The following GRK5 variants were observed in gnomAD, a reference collection of about 807,000 sequenced individuals.
GRK5 encodes g protein-coupled receptor kinase GRK5.
A neutral mutation model predicts 78.4 loss-of-function variants in GRK5; 40 were observed. The observed-to-expected ratio is 0.51, with a 90% CI of 0.40 to 0.66. The LOEUF (loss-of-function observed/expected upper bound fraction) is 0.66, where lower values mean the gene tolerates loss of function less well. Among genes scored for constraint, GRK5 ranks in the 30% least tolerant of loss-of-function variants. GRK5 has a pLI of 0.00. For missense variants in GRK5, 598 were observed against 759.9 expected (o/e 0.79, Z 2.50); for synonymous variants, 289 against 296.8 (o/e 0.97, Z 0.27).
intron 8 of GRK5, among the ~76,000 whole-genome samples, chr10:119,436,117 A>G (rs1852913795): frequency 6.6e-6 from 1 of 152,252 alleles, no homozygotes; most frequent in South Asian, 2.1e-4. Context: ...GTACAATTCA[A>G]GATGAGATTT....
intron 1 of GRK5, among the ~76,000 whole-genome samples, chr10:119,286,387 T>C (rs890490060): frequency 7.2e-5 from 11 of 152,208 alleles, no homozygotes; most frequent in African/African-American, 2.7e-4. Context: ...AAAAAGAGTG[T>C]TTTTGTATGT....
chr10:119,394,631 G>A (rs1589784471), intron 3 of GRK5, among the ~76,000 whole-genome samples: 1 of 3,870 alleles, frequency 2.6e-4, no homozygotes, highest in Non-Finnish European at 9.9e-4. Flanking sequence ...GTGTGTGGGT[G>A]TGTGTGTGGG....
At position 119,412,934 on chromosome 10, in the gene GRK5, C is replaced by T. The variant is rs1020920618; in HGVS notation, c.340-10232C>T. Among the ~76,000 whole-genome samples, 23 of 152,132 alleles carry T rather than the reference C, an allele frequency of 1.5e-4. No homozygotes were observed. The highest frequency in any genetic ancestry group is 4.8e-4 in the African/African-American group (20 of 41,412). ...CTCAGGGAATCGGAGCTCGGCGAGA[C>T]GAGGGGAGCTCTTGGCCGTGTGAAG... On this transcript the variant is annotated intron_variant, in intron 4 of 15. Transcript: ENST00000392870. This position sits in a 1 kb window ranked among gnomAD's most constrained non-coding sequence, Gnocchi z 4.3.
At chr10:119,237,820 T>A (rs1005505661) in intron 1 of GRK5, among the ~76,000 whole-genome samples, 1 of 152,144 alleles carries the variant, frequency 6.6e-6, no homozygotes, top group Non-Finnish European at 1.5e-5. Flanking sequence ...GCAAGTGCGC[T>A]GGGAAATGCC....
At chr10:119,404,185 CTG>C (rs76989840) in intron 4 of GRK5, among the ~76,000 whole-genome samples, 1,712 of 152,286 alleles carry the variant, frequency 0.011, 20 homozygotes, top group South Asian at 0.017. Context: ...TTGCTATTTT[CTG>C]TGTTTTTTAT....
intron 2 of GRK5, among the ~76,000 whole-genome samples, chr10:119,335,396 C>T (rs555721004): frequency 6.6e-6 from 1 of 152,152 alleles, no homozygotes; most frequent in South Asian, 2.1e-4. Context: ...TGGAGTCTCA[C>T]TCTGTCCCCC....
At chr10:119,385,366 G>A (rs1306687503) in intron 3 of GRK5, among the ~76,000 whole-genome samples, 1 of 152,180 alleles carries the variant, frequency 6.6e-6, no homozygotes, top group Non-Finnish European at 1.5e-5. Context: ...CTGGACTCAA[G>A]TGATCTTCCT....
At chr10:119,433,690 G>A (rs768407915) in intron 8 of GRK5, among the ~76,000 whole-genome samples, 5 of 152,302 alleles carry the variant, frequency 3.3e-5, no homozygotes, top group Middle Eastern at 3.4e-3. Flanking sequence ...CCTGGCCCAC[G>A]ATGGCCGGGT....
intron 1 of GRK5, among the ~76,000 whole-genome samples, chr10:119,216,251 CTG>C (rs1379814014): frequency 1.3e-5 from 2 of 152,208 alleles, no homozygotes; most frequent in South Asian, 2.1e-4. Flanking sequence ...AACTTGTAAT[CTG>C]TGGAATATCA....
intron 13 of GRK5, among the ~76,000 whole-genome samples, chr10:119,448,630 T>C (rs1853209319): frequency 6.6e-6 from 1 of 152,254 alleles, no homozygotes; most frequent in East Asian, 1.9e-4. Flanking sequence ...GGGAATGCTT[T>C]CAAGAGCATT....
At chr10:119,226,700 A>G (rs571036137) in intron 1 of GRK5, among the ~76,000 whole-genome samples, 1 of 151,054 alleles carries the variant, frequency 6.6e-6, no homozygotes, top group South Asian at 2.1e-4. Context: ...GCCTGCTACC[A>G]TGCCCGGCTT....
At chr10:119,311,655 G>C (rs781262198) in intron 1 of GRK5, among the ~76,000 whole-genome samples, 1 of 151,914 alleles carries the variant, frequency 6.6e-6, no homozygotes, top group Non-Finnish European at 1.5e-5. Context: ...GCGTGGTGGT[G>C]CACACCTGTA....
At chr10:119,309,364 G>T (rs1850324738) in intron 1 of GRK5, among the ~76,000 whole-genome samples, 1 of 152,234 alleles carries the variant, frequency 6.6e-6, no homozygotes, top group Non-Finnish European at 1.5e-5. Flanking sequence ...GAACTCTGGG[G>T]GAGGCAGAGC....
chr10:119,431,654 G>C lies in GRK5; in HGVS notation c.738+127G>C. ...CCTGGGAAGGGGAATGCCAGTGGCA[G>C]CGCTGAGCTACAGAAAGGCCGCAAG... On this transcript the variant is annotated intron_variant, in intron 8 of 15. Transcript: ENST00000392870. This position sits in a 1 kb window ranked among gnomAD's most constrained non-coding sequence, Gnocchi z 4.8. The C allele has an allele frequency of 8.8e-7, 1 of 1,131,742 alleles. No individual in the cohort carries two copies. The highest frequency in any genetic ancestry group is 1.2e-6 in the Non-Finnish European group (1 of 808,372). 70.1% of individuals were successfully genotyped at this position (1,131,742 alleles called of 1,614,324 possible). A position where few individuals can be genotyped will look rare whatever the true frequency, so the allele number is the denominator to read the frequency against.
At chr10:119,319,002 G>C (rs11198874) in intron 1 of GRK5, among the ~76,000 whole-genome samples, 50 of 152,304 alleles carry the variant, frequency 3.3e-4, no homozygotes, top group African/African-American at 1.0e-3. Flanking sequence ...TGCTTGGCCC[G>C]TGCTTAAGAA....
At chr10:119,305,466 T>C (rs1028168755) in intron 1 of GRK5, among the ~76,000 whole-genome samples, 3 of 152,244 alleles carry the variant, frequency 2.0e-5, no homozygotes, top group African/African-American at 7.2e-5. Flanking sequence ...TCTGTCCTCT[T>C]GGGTGGAAGC....
intron 1 of GRK5, among the ~76,000 whole-genome samples, chr10:119,289,052 A>G (rs2133700334): frequency 6.6e-6 from 1 of 152,242 alleles, no homozygotes; most frequent in Non-Finnish European, 1.5e-5. Flanking sequence ...TTTTCCCTCC[A>G]ACACTTGTAT....
intron 2 of GRK5, among the ~76,000 whole-genome samples, chr10:119,340,842 T>C (rs1159884438): frequency 6.6e-6 from 1 of 152,150 alleles, no homozygotes; most frequent in Non-Finnish European, 1.5e-5. Flanking sequence ...TGGCAGAGAG[T>C]GCTTTGCAAA....
chr10:119,266,738 G>C (rs1293231147), intron 1 of GRK5, among the ~76,000 whole-genome samples: 1 of 106,268 alleles, frequency 9.4e-6, no homozygotes, highest in Non-Finnish European at 1.7e-5. Context: ...CTTGGATTTG[G>C]CCATTTGCTG....
Sources: allele counts gnomAD v4.1 joint callset (sites outside exome capture counted in the v4.1 genomes callset), GRCh38; gene constraint gnomAD v4.1.1; non-coding constraint Gnocchi (gnomAD v3.1); transcripts MANE v1.5; gene names NCBI Gene and HGNC (gene_info 2026-07-23, HGNC 2026-07-21).